The following NRXN3 variants were observed in gnomAD, a reference collection of about 807,000 sequenced individuals.
NRXN3 encodes neurexin 3, also known as neurexin III.
NRXN3 carries 32 observed loss-of-function variants against 137.6 expected under a neutral mutation model. The ratio of observed to expected loss-of-function variants is 0.23; its 90% CI spans 0.18 to 0.31. The LOEUF (loss-of-function observed/expected upper bound fraction) is 0.31, where lower values mean the gene tolerates loss of function less well. Among genes scored for constraint, NRXN3 ranks in the 10% least tolerant of loss-of-function variants. NRXN3 has a pLI of 1.00. For synonymous variants in NRXN3, 798 were observed against 784.5 expected, an observed-to-expected ratio of 1.02 and a Z score of -0.29; for missense variants, 1,574 against 2,062.5, an observed-to-expected ratio of 0.76 and a Z score of 4.59.
chr14:79,387,033 T>C (rs1358211787), intron 15 of NRXN3, among the ~76,000 whole-genome samples: 1 of 152,076 alleles, frequency 6.6e-6, no homozygotes, highest in Non-Finnish European at 1.5e-5. Flanking sequence ...ATTCAGGACA[T>C]AGGCATGGGC....
At chr14:78,779,382 G>A (rs1263783118) in intron 8 of NRXN3, among the ~76,000 whole-genome samples, 1 of 151,886 alleles carries the variant, frequency 6.6e-6, no homozygotes, top group African/African-American at 2.4e-5. Flanking sequence ...TCAAAAACAA[G>A]AAGCTACCAA....
chr14:78,303,760 T>C (rs548238017), intron 4 of NRXN3, among the ~76,000 whole-genome samples: 131 of 152,266 alleles, frequency 8.6e-4, no homozygotes, highest in South Asian at 1.9e-3. Flanking sequence ...TTCTCCCTCT[T>C]ATCCTTGAAG....
chr14:78,465,296 G>C (rs1305986858), intron 4 of NRXN3, among the ~76,000 whole-genome samples: 4 of 152,084 alleles, frequency 2.6e-5, no homozygotes, highest in Non-Finnish European at 5.9e-5. Context: ...ATATTGTCAA[G>C]TATTAAATAA....
At chr14:79,345,799 G>T (rs146908780) in intron 15 of NRXN3, among the ~76,000 whole-genome samples, 15 of 152,038 alleles carry the variant, frequency 9.9e-5, no homozygotes, top group South Asian at 2.1e-4. Flanking sequence ...GTTTTCTAAG[G>T]CCTCACCAGA....
At chr14:79,292,596 C>G (rs1383952236) in intron 15 of NRXN3, among the ~76,000 whole-genome samples, 1 of 152,216 alleles carries the variant, frequency 6.6e-6, no homozygotes, top group East Asian at 1.9e-4. Context: ...TACTTCCTCA[C>G]CCTTATCAGA....
chr14:78,724,455 G>T (rs544990063), intron 8 of NRXN3, among the ~76,000 whole-genome samples: 1 of 152,192 alleles, frequency 6.6e-6, no homozygotes, highest in African/African-American at 2.4e-5. Flanking sequence ...CAGTAGAATA[G>T]ATGCTCAGAT....
chr14:78,457,837 T>G (rs899860647), intron 4 of NRXN3, among the ~76,000 whole-genome samples: 17 of 152,212 alleles, frequency 1.1e-4, no homozygotes, highest in African/African-American at 4.1e-4. Flanking sequence ...TGATTACTTA[T>G]GGCAAATACA....
Position 79,424,823 on chromosome 14 carries a change from G to C in NRXN3, c.3263-42398G>C, listed in dbSNP as rs372688198. 2.1e-4 allele frequency among the ~76,000 whole-genome samples: 32 copies of C among 152,258 alleles called. 2 individuals carry two copies. In the East Asian group the frequency reaches 3.7e-3, roughly 17 times the overall value. On this transcript the variant is annotated intron_variant, in intron 15 of 20. Transcript: ENST00000335750. Reference sequence around the variant, plus strand: ...TCTGGGATTATGCAGGCGATACTTTGCTTTTGGAAAGAATGAAATATAGGC... The same window carrying C: ...TCTGGGATTATGCAGGCGATACTTTCCTTTTGGAAAGAATGAAATATAGGC...
chr14:79,494,701 A>T (rs2096750032), intron 16 of NRXN3, among the ~76,000 whole-genome samples: 1 of 152,342 alleles, frequency 6.6e-6, no homozygotes, highest in African/African-American at 2.4e-5. Context: ...ATTTGCAGAA[A>T]AGTTGTAAAG....
At chr14:79,158,290 A>G (rs371950998) in intron 15 of NRXN3, among the ~76,000 whole-genome samples, 2 of 151,866 alleles carry the variant, frequency 1.3e-5, no homozygotes, top group South Asian at 2.1e-4. Context: ...CACATAAGTT[A>G]TAACTTATTT....
chr14:79,770,110 C>G (rs1292492327), intron 19 of NRXN3, among the ~76,000 whole-genome samples: 3 of 151,430 alleles, frequency 2.0e-5, no homozygotes, highest in African/African-American at 7.3e-5. Context: ...ACAGGAGCAC[C>G]CAGATTCATA....
chr14:78,772,365 A>AG (rs139739328), intron 8 of NRXN3, among the ~76,000 whole-genome samples: 2,032 of 152,286 alleles, frequency 0.013, 53 homozygotes, highest in African/African-American at 0.047. Context: ...TGGGAAAAAG[A>AG]GGAGTCATAG....
intron 2 of NRXN3, among the ~76,000 whole-genome samples, chr14:78,244,841 C>G (rs889256810): frequency 3.9e-5 from 6 of 152,182 alleles, no homozygotes; most frequent in African/African-American, 7.2e-5. Context: ...TACAGCATAG[C>G]CTGGAGAACC....
intron 20 of NRXN3, among the ~76,000 whole-genome samples, chr14:79,831,936 T>C (rs1473225520): frequency 6.6e-6 from 1 of 152,128 alleles, no homozygotes; most frequent in Non-Finnish European, 1.5e-5. Flanking sequence ...CATATGCTTA[T>C]GTGAAAATTT....
intron 16 of NRXN3, among the ~76,000 whole-genome samples, chr14:79,533,796 A>G (rs974703832): frequency 1.3e-5 from 2 of 152,186 alleles, no homozygotes; most frequent in Non-Finnish European, 2.9e-5. Flanking sequence ...AATAGTAAGG[A>G]CTGCACATGT....
chr14:79,791,157 C>CA (rs1165364673), intron 19 of NRXN3: 1 of 152,174 alleles, frequency 6.6e-6, no homozygotes, highest in Non-Finnish European at 1.5e-5. Context: ...GAGCTTTCCT[C>CA]ATCAGGCTGA....
In NRXN3 at chr14:79,712,761, G is replaced by A. The variant is rs1041474808; in HGVS notation, c.4014+14824G>A. Among the ~76,000 whole-genome samples, 9 of 152,212 alleles carry A rather than the reference G, an allele frequency of 5.9e-5. No homozygotes were observed. In the South Asian group the frequency reaches 8.3e-4, roughly 14 times the overall value. ...TCTTGGAGGTCTCCCTTCTGGAGTC[G>A]TCTGACCTCCTGCTTTAGTCTGGGC... On this transcript the variant is annotated intron_variant, in intron 19 of 20. Transcript: ENST00000335750.
At chr14:79,500,538 C>T (rs946789302) in intron 16 of NRXN3, among the ~76,000 whole-genome samples, 1 of 152,170 alleles carries the variant, frequency 6.6e-6, no homozygotes, top group East Asian at 1.9e-4. Context: ...TTACTGCAAC[C>T]TCTCCATAGA....
Position 78,661,110 on chromosome 14 carries a change from A to G in NRXN3, c.1221+9784A>G, listed in dbSNP as rs569069198. ...ACTAGACAATTGAAAAATGTAGATA[A>G]TGCAAACAATGAACTTATGAGTTGA... On this transcript the variant is annotated intron_variant, in intron 6 of 20. Coordinates refer to ENST00000335750, the MANE Select transcript of NRXN3 (RefSeq NM_001330195.2). Among the ~76,000 whole-genome samples, 25 of 152,362 alleles carry G rather than the reference A, an allele frequency of 1.6e-4. 2 individuals carry two copies. In the South Asian group the frequency reaches 5.2e-3, roughly 32 times the overall value.
Sources: allele counts gnomAD v4.1 joint callset (sites outside exome capture counted in the v4.1 genomes callset), GRCh38; gene constraint gnomAD v4.1.1; transcripts MANE v1.5; gene names NCBI Gene and HGNC (gene_info 2026-07-23, HGNC 2026-07-21).